PTPRD: variants seen among roughly 807,000 people sequenced by gnomAD.
PTPRD encodes protein tyrosine phosphatase receptor type D.
A neutral mutation model predicts 214.5 loss-of-function variants in PTPRD; 34 were observed. The ratio of observed to expected loss-of-function variants is 0.16; its 90% CI spans 0.12 to 0.21. The LOEUF is 0.21. Among genes scored for constraint, PTPRD ranks in the 10% least tolerant of loss-of-function variants. The probability of loss-of-function intolerance (pLI) is 1.00; values close to 1 mark genes in which losing one functional copy is unlikely to be tolerated. For missense variants in PTPRD, 2,545 were observed against 2,398.7 expected (o/e 1.06, Z -1.27); for synonymous variants, 1,128 against 845.7 (o/e 1.33, Z -5.79).
chr9:8,447,825 G>A (rs939567241), intron 34 of PTPRD, among the ~76,000 whole-genome samples: 1 of 152,144 alleles, frequency 6.6e-6, no homozygotes, highest in Non-Finnish European at 1.5e-5. Context: ...GAAAAACAGA[G>A]GAAGGAGGGG....
rs181811106 is a variant in PTPRD, at chr9:8,773,535, C to T, written c.-103-39589G>A. Among the ~76,000 whole-genome samples, 384 of 152,260 alleles carry T rather than the reference C, an allele frequency of 2.5e-3. 1 individual carries two copies. The highest frequency in any genetic ancestry group is 8.1e-3 in the African/African-American group (337 of 41,548). Reference sequence around the variant, plus strand: ...TGCATGTATTTTATCTGTTTTATGGCTTGTTTCACACAGGAGAATAAATTG... The same window carrying T: ...TGCATGTATTTTATCTGTTTTATGGTTTGTTTCACACAGGAGAATAAATTG... On this transcript the variant is annotated intron_variant, in intron 11 of 45. Transcript: ENST00000381196.
intron 4 of PTPRD, among the ~76,000 whole-genome samples, chr9:9,947,567 T>TATATA (rs1265465329): frequency 2.6e-5 from 1 of 38,146 alleles, no homozygotes; most frequent in African/African-American, 1.5e-4. Context: ...ATATATTTTA[T>TATATA]ATATATATTA....
intron 11 of PTPRD, among the ~76,000 whole-genome samples, chr9:8,837,491 TC>T (rs2097456046): frequency 7.0e-6 from 1 of 143,254 alleles, no homozygotes; most frequent in Admixed American, 6.7e-5. Context: ...CCTTTTCTCT[TC>T]CTTTTTTTGT....
rs867233865 is a variant in PTPRD at position 10,456,315 on chromosome 9, C to T, written c.-599-115298G>A. Among the ~76,000 whole-genome samples the T allele has an allele frequency of 4.9e-4, 74 of 151,934 alleles. No homozygotes were observed. In the Middle Eastern group the frequency reaches 0.027, roughly 56 times the overall value. On this transcript the variant is annotated intron_variant, in intron 2 of 45. Transcript: ENST00000381196. Reference sequence around the variant, plus strand: ...AACCTGATAATAATTTTTGAAGCTCCATTTACCAAGTGAATCAAAACCTCT... The same window carrying T: ...AACCTGATAATAATTTTTGAAGCTCTATTTACCAAGTGAATCAAAACCTCT...
At chr9:8,395,507 A>C (rs1157060768) in intron 36 of PTPRD, among the ~76,000 whole-genome samples, 1 of 152,144 alleles carries the variant, frequency 6.6e-6, no homozygotes, top group Non-Finnish European at 1.5e-5. Context: ...ACCTGGTGAC[A>C]TGAAGGATTC....
intron 2 of PTPRD, among the ~76,000 whole-genome samples, chr9:10,544,970 C>T (rs1466370688): frequency 6.6e-6 from 1 of 152,090 alleles, no homozygotes; most frequent in Non-Finnish European, 1.5e-5. Context: ...TTTTCTGGTT[C>T]AGGAAATGGT....
At chr9:10,579,937 G>C (rs1288493617) in intron 2 of PTPRD, among the ~76,000 whole-genome samples, 1 of 151,916 alleles carries the variant, frequency 6.6e-6, no homozygotes, top group Non-Finnish European at 1.5e-5. Context: ...CATGCCCTTT[G>C]TCAATGTTCA....
intron 11 of PTPRD, among the ~76,000 whole-genome samples, chr9:8,786,748 G>GAA (rs35010963): frequency 6.8e-6 from 1 of 146,760 alleles, no homozygotes; most frequent in Non-Finnish European, 1.5e-5. Flanking sequence ...AATCCTCAGG[G>GAA]AAAAAAAAGG....
At chr9:9,113,479 G>A (rs1236112978) in intron 10 of PTPRD, among the ~76,000 whole-genome samples, 1 of 152,080 alleles carries the variant, frequency 6.6e-6, no homozygotes, top group African/African-American at 2.4e-5. Context: ...ACTAGGGGAA[G>A]CTAAAATAAT....
chr9:9,654,355 G>A (rs1048501470), intron 7 of PTPRD, among the ~76,000 whole-genome samples: 1 of 151,964 alleles, frequency 6.6e-6, no homozygotes, highest in Non-Finnish European at 1.5e-5. Context: ...ATTTCAATAT[G>A]AGCATTATGT....
intron 8 of PTPRD, among the ~76,000 whole-genome samples, chr9:9,458,882 G>C (rs1041815490): frequency 1.3e-5 from 2 of 152,082 alleles, no homozygotes; most frequent in Non-Finnish European, 2.9e-5. Flanking sequence ...AGAAGCTGCA[G>C]TGATGTAAGA....
At chr9:9,662,737 T>C (rs2096644245) in intron 7 of PTPRD, among the ~76,000 whole-genome samples, 2 of 151,584 alleles carry the variant, frequency 1.3e-5, no homozygotes, top group African/African-American at 2.4e-5. Flanking sequence ...GGCTTGTCCG[T>C]TTTTAGAATT....
At chr9:10,534,129 G>T (rs1050387332) in intron 2 of PTPRD, among the ~76,000 whole-genome samples, 106 of 151,782 alleles carry the variant, frequency 7.0e-4, no homozygotes, top group African/African-American at 2.4e-3. Flanking sequence ...TACTATCATT[G>T]TCAGGTTGTT....
intron 7 of PTPRD, among the ~76,000 whole-genome samples, chr9:9,625,031 T>A (rs887047469): frequency 6.6e-6 from 1 of 152,210 alleles, no homozygotes; most frequent in African/African-American, 2.4e-5. Context: ...ATAACCACTG[T>A]TGTTAAATGA....
intron 9 of PTPRD, among the ~76,000 whole-genome samples, chr9:9,216,498 C>G (rs2099952340): frequency 6.6e-6 from 1 of 152,176 alleles, no homozygotes; most frequent in East Asian, 1.9e-4. Flanking sequence ...TTTCTCCTCC[C>G]TCTCCAGCCT....
At chr9:8,448,664 A>G (rs1177785856) in intron 34 of PTPRD, among the ~76,000 whole-genome samples, 1 of 152,224 alleles carries the variant, frequency 6.6e-6, no homozygotes, top group African/African-American at 2.4e-5. Flanking sequence ...GCCACACTGA[A>G]AATGCTAAAC....
intron 2 of PTPRD, among the ~76,000 whole-genome samples, chr9:10,576,946 T>C (rs2069598294): frequency 7.0e-6 from 1 of 142,456 alleles, no homozygotes; most frequent in South Asian, 2.4e-4. Flanking sequence ...CTAGTACTTA[T>C]TTTCATGCAA....
At chr9:9,494,502 C>G (rs1305710813) in intron 8 of PTPRD, among the ~76,000 whole-genome samples, 1 of 152,148 alleles carries the variant, frequency 6.6e-6, no homozygotes, top group Non-Finnish European at 1.5e-5. Flanking sequence ...AAGGCAAGAG[C>G]CTCCACCGGC....
At chr9:8,802,024 T>G (rs889373565) in intron 11 of PTPRD, among the ~76,000 whole-genome samples, 1 of 152,080 alleles carries the variant, frequency 6.6e-6, no homozygotes, top group African/African-American at 2.4e-5. Flanking sequence ...AAAATATTAT[T>G]TATTATCGCC....
Sources: gnomAD v4.1 joint callset for allele counts (sites outside exome capture counted in the v4.1 genomes callset) on GRCh38, gnomAD v4.1.1 for gene constraint, MANE v1.5 for transcripts, NCBI Gene and HGNC (gene_info 2026-07-23, HGNC 2026-07-21) for gene names.